TGFBR3: variants seen among roughly 807,000 people sequenced by gnomAD.
TGFBR3 encodes transforming growth factor beta receptor type 3.
A neutral mutation model predicts 87.9 loss-of-function variants in TGFBR3; 46 were observed. The observed-to-expected ratio is 0.52, with a 90% CI of 0.41 to 0.67. TGFBR3 has a LOEUF of 0.67. Among genes scored for constraint, TGFBR3 ranks in the 30% least tolerant of loss-of-function variants. The pLI, the probability that TGFBR3 is intolerant of heterozygous loss-of-function variation, is 0.00. For missense variants in TGFBR3, 866 were observed against 1,041.9 expected (o/e 0.83, Z 2.32); for synonymous variants, 381 against 391.6 (o/e 0.97, Z 0.32).
chr1:91,742,852 A>G (rs1401532511), intron 4 of TGFBR3, among the ~76,000 whole-genome samples: 1 of 152,168 alleles, frequency 6.6e-6, no homozygotes, highest in African/African-American at 2.4e-5. Context: ...ATGCTACCAG[A>G]CTTTTTTAAA....
At chr1:91,748,021 G>A (rs1293134631) in intron 4 of TGFBR3, among the ~76,000 whole-genome samples, 1 of 152,202 alleles carries the variant, frequency 6.6e-6, no homozygotes, top group Non-Finnish European at 1.5e-5. Context: ...AATGGCTGGT[G>A]CAAGCCCTAG....
intron 2 of TGFBR3, among the ~76,000 whole-genome samples, chr1:91,855,926 A>C (rs1677924424): frequency 6.6e-6 from 1 of 151,702 alleles, no homozygotes. Flanking sequence ...TTTTAACCCA[A>C]GTAAATCACC....
chr1:91,829,819 A>C (rs575571297), intron 2 of TGFBR3: 1 of 152,224 alleles, frequency 6.6e-6, no homozygotes, highest in South Asian at 2.1e-4. Flanking sequence ...TACAGTGTCT[A>C]TTCATAGGCA....
At chr1:91,809,934 A>C (rs903615445) in intron 2 of TGFBR3, among the ~76,000 whole-genome samples, 1 of 152,214 alleles carries the variant, frequency 6.6e-6, no homozygotes, top group Non-Finnish European at 1.5e-5. Context: ...TGGTTTTTCC[A>C]GAGCTTGTGG....
At chr1:91,871,859 C>G (rs773296381) in intron 1 of TGFBR3, among the ~76,000 whole-genome samples, 2 of 152,198 alleles carry the variant, frequency 1.3e-5, no homozygotes, top group Non-Finnish European at 1.5e-5. Context: ...TTACTTAAAG[C>G]TCCATGCCTG....
chr1:91,832,375 T>TC (rs397706302), intron 2 of TGFBR3, among the ~76,000 whole-genome samples: 2 of 150,216 alleles, frequency 1.3e-5, no homozygotes, highest in East Asian at 1.9e-4. Flanking sequence ...TTGCATTTTT[T>TC]CCCCATTATA....
chr1:91,832,719 G>A (rs778396008), intron 2 of TGFBR3, among the ~76,000 whole-genome samples: 6 of 152,150 alleles, frequency 3.9e-5, no homozygotes, highest in South Asian at 2.1e-4. Context: ...ACTCTGAATC[G>A]GGGTCACGCA....
intron 1 of TGFBR3, among the ~76,000 whole-genome samples, chr1:91,867,287 G>A (rs558274224): frequency 5.9e-5 from 9 of 152,308 alleles, no homozygotes; most frequent in South Asian, 4.1e-4. Flanking sequence ...TGGTAGGCAC[G>A]GGGGAAGCAG....
Position 91,719,369 on chromosome 1 carries a change from A to G in TGFBR3, c.1509T>C (p.Asn503=), listed in dbSNP as rs536057012. Residue 503 remains asparagine, a synonymous_variant, in exon 10 of 17, where the codon AAT becomes AAC. Transcript: ENST00000212355. ...ACCACCGGGGCCGAGTACCGCAGCC[A>G]TTCAGAGGAGACTCCAAAACAAAGT... ...GTHFVLESPL[N]GCGTRPRWSA... is the part of the protein sequence containing the mutation. 6.8e-6 allele frequency: 11 copies of G among 1,614,178 alleles called. No individual in the cohort carries two copies. The African/African-American group carries it at 1.5e-4, about 22-fold the overall frequency.
At chr1:91,904,133 G>A (rs1280856959) in intron 1 of TGFBR3, among the ~76,000 whole-genome samples, 6 of 152,242 alleles carry the variant, frequency 3.9e-5, no homozygotes, top group Middle Eastern at 3.4e-3. Flanking sequence ...GCAGTGAGCC[G>A]AGATCGTGCC....
intron 4 of TGFBR3, among the ~76,000 whole-genome samples, chr1:91,758,087 T>C (rs570846896): frequency 6.6e-6 from 1 of 152,324 alleles, no homozygotes; most frequent in African/African-American, 2.4e-5. Flanking sequence ...GTAGGTAATA[T>C]TTGGATCTTT....
At chr1:91,852,451 T>A (rs1284607547) in intron 2 of TGFBR3, among the ~76,000 whole-genome samples, 1 of 152,244 alleles carries the variant, frequency 6.6e-6, no homozygotes, top group African/African-American at 2.4e-5. Context: ...ACATGCTGTT[T>A]CTGTAGAAAA....
chr1:91,706,815 C>T (rs1476827530), intron 14 of TGFBR3, among the ~76,000 whole-genome samples: 1 of 152,180 alleles, frequency 6.6e-6, no homozygotes, highest in Non-Finnish European at 1.5e-5. Flanking sequence ...TTTCATAGTA[C>T]AAAATGGAGC....
At chr1:91,757,773 G>A (rs910613001) in intron 4 of TGFBR3, among the ~76,000 whole-genome samples, 2 of 152,194 alleles carry the variant, frequency 1.3e-5, no homozygotes. Context: ...TACAGATCTG[G>A]ATTGAGAGAC....
intron 16 of TGFBR3, among the ~76,000 whole-genome samples, chr1:91,691,364 T>C (rs1671259704): frequency 1.3e-5 from 2 of 152,208 alleles, no homozygotes; most frequent in African/African-American, 4.8e-5. Context: ...TTGTAAAATT[T>C]CTTCCAGAAA....
At chr1:91,730,060 A>C in intron 5 of TGFBR3, 87 bp from the exon 6 acceptor site, 1 of 1,479,870 alleles carries the variant, frequency 6.8e-7, no homozygotes, top group Non-Finnish European at 9.4e-7. Flanking sequence ...GAAACTGAGC[A>C]AATGGCAGAC....
rs1354181681 is a variant in TGFBR3 at position 91,843,436 on chromosome 1, C to T, written c.61+18035G>A. 2.0e-5 allele frequency among the ~76,000 whole-genome samples: 3 copies of T among 152,320 alleles called. No homozygotes were observed. In the East Asian group the frequency reaches 5.8e-4, roughly 29 times the overall value. On this transcript the variant is annotated intron_variant, in intron 2 of 16. Transcript: ENST00000212355. ...TGCTGGCATCTTGATCACAGACTTA[C>T]AGCCTCCAGCACTGTGAGAAAAATA...
At chr1:91,728,940 G>A (rs777762773) in intron 6 of TGFBR3, among the ~76,000 whole-genome samples, 8 of 151,938 alleles carry the variant, frequency 5.3e-5, no homozygotes, top group Non-Finnish European at 8.8e-5. Context: ...CAATCCAGGG[G>A]TAGGAAGCTG....
chr1:91,797,425 G>C lies in TGFBR3; in HGVS notation c.108C>G (p.Ser36=), dbSNP rs1457150246. Residue 36 remains serine, a synonymous_variant, in exon 3 of 17, where the codon TCC becomes TCG. Coordinates refer to ENST00000212355, the MANE Select transcript of TGFBR3 (RefSeq NM_003243.5). ...ALCELSPVSA[S]HPVQALMESF... Reference sequence around the variant, plus strand: ...TCTCCATCAAGGCCTGGACAGGATGGGAGGCACTGACAGGTGACAGTTCAC... The same window carrying C: ...TCTCCATCAAGGCCTGGACAGGATGCGAGGCACTGACAGGTGACAGTTCAC... 2.5e-6 allele frequency: 4 copies of C among 1,614,084 alleles called. No homozygotes were observed. Among genetic ancestry groups the C allele is most frequent in the Admixed American group, 1.7e-5 (1 of 60,010 alleles).
Sources: gnomAD v4.1 joint callset for allele counts (sites outside exome capture counted in the v4.1 genomes callset) on GRCh38, gnomAD v4.1.1 for gene constraint, MANE v1.5 for transcripts, NCBI Gene and HGNC (gene_info 2026-07-23, HGNC 2026-07-21) for gene names.